POLI: variants seen among roughly 807,000 people sequenced by gnomAD.
The protein encoded by POLI is RAD30 homolog B.
Under a neutral mutation model 51.6 loss-of-function variants are expected in POLI, and 58 were observed. The observed-to-expected ratio is 1.12, with a 90% confidence interval of 0.91 to 1.40. The LOEUF is 1.40. POLI is among the 40% of genes most tolerant of loss of function. The pLI is 0.00. For missense variants in POLI, 921 were observed against 871.3 expected, an observed-to-expected ratio of 1.06 and a Z score of -0.72; for synonymous variants, 322 against 299.7, an observed-to-expected ratio of 1.07 and a Z score of -0.77.
In POLI at chr18:54,294,175, T is replaced by A; in HGVS notation, c.1931T>A (p.Phe644Tyr). 3 of 1,612,798 alleles carry A rather than the reference T, an allele frequency of 1.9e-6. No homozygotes were observed. In the South Asian group the frequency reaches 3.3e-5, roughly 18 times the overall value. ...ISQGPKEPQG[F>Y]HFTNSNPAVS... ...CAAGGACCTAAAGAACCTCAAGGATTCCACTTTACAAATTCAAACCCTGCT... is the reference window on the plus strand; with the variant it reads ...CAAGGACCTAAAGAACCTCAAGGATACCACTTTACAAATTCAAACCCTGCT... Residue 644 changes from phenylalanine to tyrosine, a missense_variant, in exon 10 of 10, where the codon TTC becomes TAC. Phe to Tyr is a conservative substitution (Grantham distance 22). Transcript: ENST00000579534.
Position 54,291,973 on chromosome 18 carries a change from G to T in POLI, c.1339G>T (p.Gly447Trp), listed in dbSNP as rs759460946. 1 of 1,611,680 alleles carries T rather than the reference G, an allele frequency of 6.2e-7. No homozygotes were observed. Among genetic ancestry groups the T allele is most frequent in the Non-Finnish European group, 8.5e-7 (1 of 1,178,520 alleles). The stretch of plus-strand genomic sequence containing the variant: ...TAAAGCACTAAATACTGCTAAGAAA[G>T]GGCTTATTGATTATTATTTAATGCC... ...NLKALNTAKK[G>W]LIDYYLMPSL... The change falls in exon 9 of 10, where the codon GGG (glycine) becomes TGG (tryptophan). Residue 447 changes from glycine to tryptophan, a missense_variant. Transcript: ENST00000579534.
intron 3 of POLI, 110 bp downstream of exon 3, chr18:54,274,200 C>A: frequency 2.0e-6 from 1 of 491,726 alleles, no homozygotes; most frequent in South Asian, 9.1e-5. Flanking sequence ...ATGCTTTTTC[C>A]TAATAACTTC....
chr18:54,271,109 A>AT (rs1351985091), intron 1 of POLI: 24 of 303,478 alleles, frequency 7.9e-5, no homozygotes, highest in African/African-American at 5.2e-4. Flanking sequence ...TATTTATCAC[A>AT]TTTTTTCCCT....
chr18:54,269,819 C>A, intron 1 of POLI, 158 bp downstream of exon 1: 2 of 1,362,814 alleles, frequency 1.5e-6, no homozygotes, highest in Non-Finnish European at 1.9e-6. Flanking sequence ...TGTTACGCGG[C>A]GGGTACCTCT....
chr18:54,284,961 G>T (rs2087681440), intron 7 of POLI, among the ~76,000 whole-genome samples: 1 of 152,056 alleles, frequency 6.6e-6, no homozygotes, highest in Non-Finnish European at 1.5e-5. Context: ...GTGGTTTCAG[G>T]GCTCTAACAG....
intron 7 of POLI, among the ~76,000 whole-genome samples, chr18:54,285,107 G>A (rs1414549900): frequency 1.3e-5 from 2 of 152,154 alleles, no homozygotes; most frequent in African/African-American, 4.8e-5. Flanking sequence ...GTGCAATGTG[G>A]CACTCAAATG....
rs1286903749 is a variant in POLI, at chr18:54,297,948, T to G, written c.*3481T>G. On this transcript the variant is annotated 3_prime_UTR_variant, in exon 10 of 10. Transcript: ENST00000579534. ...CCTTCTGAAATTATGTCCTTAGAGCTGTAGATTTAGAACTGACATCTCTTG... is the reference window on the plus strand; with the variant it reads ...CCTTCTGAAATTATGTCCTTAGAGCGGTAGATTTAGAACTGACATCTCTTG... 1.0e-6 allele frequency: 1 copy of G among 982,190 alleles called. No individual in the cohort carries two copies. The highest frequency in any genetic ancestry group is 6.2e-5 in the Admixed American group (1 of 16,254). The allele number at this position is 982,190 out of a possible 1,614,324, so 60.8% of individuals were successfully genotyped here.
At chr18:54,299,098 C>T (rs566061530), downstream of POLI, among the ~76,000 whole-genome samples, 37 of 152,296 alleles carry the variant, frequency 2.4e-4, no homozygotes, top group South Asian at 7.3e-3. Context: ...GAGCAACTCA[C>T]GTTGGCCTAC....
chr18:54,289,527 C>G (rs937141453), intron 8 of POLI, among the ~76,000 whole-genome samples: 1 of 151,914 alleles, frequency 6.6e-6, no homozygotes, highest in Non-Finnish European at 1.5e-5. Flanking sequence ...CAAGACAATC[C>G]TAAATAAAAA....
At chr18:54,320,534 A>G (rs2088778114) in intron 4 of POLI, 1 of 152,166 alleles carries the variant, frequency 6.6e-6, no homozygotes, top group African/African-American at 2.4e-5. Flanking sequence ...GCTTTTTTAG[A>G]TTTGATACAT....
intron 7 of POLI, among the ~76,000 whole-genome samples, chr18:54,285,195 A>G (rs2087693307): frequency 6.6e-6 from 1 of 152,050 alleles, no homozygotes; most frequent in Non-Finnish European, 1.5e-5. Flanking sequence ...CCGTGATATG[A>G]CTCAGGCTGG....
intron 7 of POLI, among the ~76,000 whole-genome samples, chr18:54,284,248 A>G (rs2087647722): frequency 1.3e-5 from 2 of 152,214 alleles, no homozygotes; most frequent in Admixed American, 1.3e-4. Context: ...TGGTTATGCT[A>G]TGGATCTAAA....
intron 3 of POLI, among the ~76,000 whole-genome samples, chr18:54,318,194 G>C (rs944609732): frequency 6.6e-6 from 1 of 151,998 alleles, no homozygotes; most frequent in African/African-American, 2.4e-5. Flanking sequence ...TAAAATTTCA[G>C]ATTTATCTTT....
chr18:54,310,213 A>G (rs967179503), intron 3 of POLI, among the ~76,000 whole-genome samples: 17 of 152,148 alleles, frequency 1.1e-4, no homozygotes, highest in African/African-American at 4.1e-4. Flanking sequence ...CTATTCAGCC[A>G]TCTTGTAGCG....
At position 54,294,173 on chromosome 18, in the gene POLI, A is replaced by T. The variant is rs2088172431; in HGVS notation, c.1929A>T (p.Gly643=). 3.7e-6 allele frequency: 6 copies of T among 1,612,718 alleles called. No individual in the cohort carries two copies. The highest frequency in any genetic ancestry group is 5.1e-6 in the Non-Finnish European group (6 of 1,178,916). The part of the protein sequence containing the change: ...RISQGPKEPQ[G]FHFTNSNPAV... ...GTCAAGGACCTAAAGAACCTCAAGG[A>T]TTCCACTTTACAAATTCAAACCCTG... The change falls in exon 10 of 10, where the codon GGA becomes GGT. Residue 643 remains glycine (G), a synonymous_variant. Transcript: ENST00000579534.
At chr18:54,318,698 G>C (rs1170465214) in intron 3 of POLI, among the ~76,000 whole-genome samples, 1 of 151,938 alleles carries the variant, frequency 6.6e-6, no homozygotes, top group East Asian at 1.9e-4. Flanking sequence ...TATACTGAAA[G>C]CCAACAACCA....
chr18:54,287,488 C>T lies in POLI; in HGVS notation c.1198+77C>T, dbSNP rs563344203. On this transcript the variant is annotated intron_variant, in intron 8 of 9. Transcript: ENST00000579534. ...GCCAACTTTGAATGAGAAATATGCT[C>T]CAAAAATGGAGGGTCTTCACAGGGA... is the stretch of plus-strand genomic sequence containing the variant. 74 of 1,073,622 alleles carry T rather than the reference C, an allele frequency of 6.9e-5. No homozygotes were observed. In the African/African-American group the frequency reaches 1.1e-3, roughly 16 times the overall value. 66.5% of individuals were successfully genotyped at this position (1,073,622 alleles called of 1,614,324 possible). A position where few individuals can be genotyped will look rare whatever the true frequency, so the allele number is the denominator to read the frequency against.
downstream of POLI, among the ~76,000 whole-genome samples, chr18:54,301,192 T>C (rs1263581498): frequency 6.6e-6 from 1 of 152,070 alleles, no homozygotes; most frequent in African/African-American, 2.4e-5. Flanking sequence ...CGCAGGAGAA[T>C]CACTTGAACC....
intron 3 of POLI, among the ~76,000 whole-genome samples, chr18:54,319,116 C>A (rs1433728102): frequency 6.6e-6 from 1 of 152,138 alleles, no homozygotes; most frequent in East Asian, 1.9e-4. Context: ...ATGCTATAAG[C>A]TAAGTATGGC....
Sources: allele counts gnomAD v4.1 joint callset (sites outside exome capture counted in the v4.1 genomes callset), GRCh38; gene constraint gnomAD v4.1.1; transcripts MANE v1.5; gene names NCBI Gene and HGNC (gene_info 2026-07-23, HGNC 2026-07-21).